SLC33A1: variants seen among roughly 807,000 people sequenced by gnomAD.
The protein encoded by SLC33A1 is solute carrier family 33 member 1.
Under a neutral mutation model 50.0 loss-of-function variants are expected in SLC33A1, and 20 were observed. That is an observed-to-expected ratio of 0.40 (90% CI 0.28 to 0.58). The LOEUF is 0.58. Among genes scored for constraint, SLC33A1 ranks in the 20% least tolerant of loss-of-function variants. The pLI is 0.44. For missense variants in SLC33A1, 476 were observed against 657.0 expected, an observed-to-expected ratio of 0.72 and a Z score of 3.01; for synonymous variants, 265 against 251.8, an observed-to-expected ratio of 1.05 and a Z score of -0.50.
chr3:155,828,894 A>G (rs1294337370), intron 5 of SLC33A1, among the ~76,000 whole-genome samples: 2 of 122,300 alleles, frequency 1.6e-5, no homozygotes, highest in African/African-American at 4.4e-5. Flanking sequence ...CCAGCCGAAT[A>G]TGTTTTTTTT....
At chr3:155,828,578 CT>C (rs1176092508) in intron 5 of SLC33A1, among the ~76,000 whole-genome samples, 2 of 152,060 alleles carry the variant, frequency 1.3e-5, no homozygotes, top group Non-Finnish European at 2.9e-5. Flanking sequence ...ATTTTCAGTT[CT>C]TGCTGTAAAC....
In SLC33A1 at chr3:155,829,732, C is replaced by T. The variant is rs747418232; in HGVS notation, c.1438G>A (p.Val480Ile). ...CGACAATTCTGGTTTGATGCTCCTA[C>T]ACACTCTTTTACTGTGAGGGGATCT... ...LVDPLTVKEC[V>I]GASNQNCRTP... is the part of the protein sequence containing the mutation. The change falls in exon 5 of 6, where the codon GTA becomes ATA. Residue 480 changes from valine (V) to isoleucine (I), a missense_variant. Transcript: ENST00000643144. 1 of 1,614,116 alleles carries T rather than the reference C, an allele frequency of 6.2e-7. No homozygotes were observed.
intron 1 of SLC33A1, among the ~76,000 whole-genome samples, chr3:155,848,720 C>A (rs1753279766): frequency 6.6e-6 from 1 of 152,036 alleles, no homozygotes; most frequent in Non-Finnish European, 1.5e-5. Flanking sequence ...ATCTTGGGAT[C>A]CTATTGTCAC....
chr3:155,844,959 T>C (rs1753113392), intron 1 of SLC33A1: 3 of 152,198 alleles, frequency 2.0e-5, no homozygotes, highest in Admixed American at 1.3e-4. Flanking sequence ...TTTTGCATTC[T>C]TAATTCCATC....
chr3:155,833,958 T>C lies in SLC33A1; in HGVS notation c.1047A>G (p.Ala349=). The C allele has an allele frequency of 1.2e-6, 2 of 1,613,760 alleles. No homozygotes were observed. Among genetic ancestry groups the C allele is most frequent in the Non-Finnish European group, 8.5e-7 (1 of 1,179,656 alleles). ...GVPKEHLALL[A]VPMVPLQIIL... ...TTATCTGCAAAGGAACCATTGGAAC[T>C]GCCAATAAGGCTAAATGTTCTTTGG... Residue 349 remains alanine, a synonymous_variant, in exon 3 of 6, where the codon GCA becomes GCG. Transcript: ENST00000643144.
intron 2 of SLC33A1, among the ~76,000 whole-genome samples, chr3:155,836,217 GA>G (rs1372888182): frequency 7.2e-6 from 1 of 138,288 alleles, no homozygotes; most frequent in African/African-American, 2.7e-5. Flanking sequence ...CTGGGAGGTG[GA>G]AGTTGCAGTG....
In SLC33A1 at chr3:155,842,441, T is replaced by G; in HGVS notation, c.954A>C (p.Leu318=). Residue 318 remains leucine, a synonymous_variant, in exon 2 of 6, where the codon CTA becomes CTC. Transcript: ENST00000643144. The part of the protein sequence containing the change: ...PAVLTFCLLI[L]TAKIGFSAAD... Reference sequence around the variant, plus strand: ...TTTATAAATCTCTTACCTTTGCAGTTAGAATCAGAAGGCAAAATGTCAGAA... The same window carrying G: ...TTTATAAATCTCTTACCTTTGCAGTGAGAATCAGAAGGCAAAATGTCAGAA... 6.2e-7 allele frequency: 1 copy of G among 1,606,236 alleles called. No individual in the cohort carries two copies. The highest frequency in any genetic ancestry group is 8.5e-7 in the Non-Finnish European group (1 of 1,173,702).
chr3:155,828,659 G>A (rs569258715), intron 5 of SLC33A1, among the ~76,000 whole-genome samples: 1 of 152,162 alleles, frequency 6.6e-6, no homozygotes, highest in South Asian at 2.1e-4. Flanking sequence ...GTGTGATAAT[G>A]GCTCACTGCG....
chr3:155,839,945 A>G (rs1752859366), intron 2 of SLC33A1, among the ~76,000 whole-genome samples: 1 of 152,060 alleles, frequency 6.6e-6, no homozygotes, highest in African/African-American at 2.4e-5. Context: ...ACTCAGTCTC[A>G]AAATAAAATA....
In SLC33A1 at chr3:155,854,025, T is replaced by C. The variant is rs1553779225; in HGVS notation, c.-28A>G. ...CAGAGACGATGCAGAGCCCCGTCTG[T>C]GGGGGGCCGAGGCTGAGCGTTTTGG... On this transcript the variant is annotated 5_prime_UTR_variant, in exon 1 of 6. Coordinates refer to ENST00000643144, the MANE Select transcript of SLC33A1 (RefSeq NM_004733.4). 4.6e-6 allele frequency: 7 copies of C among 1,524,158 alleles called. No homozygotes were observed. The highest frequency in any genetic ancestry group is 6.1e-6 in the Non-Finnish European group (7 of 1,140,010). 94.4% of individuals were successfully genotyped at this position (1,524,158 alleles called of 1,614,324 possible). A position where few individuals can be genotyped will look rare whatever the true frequency, so the allele number is the denominator to read the frequency against.
intron 4 of SLC33A1, among the ~76,000 whole-genome samples, chr3:155,832,697 G>A (rs1386807207): frequency 7.8e-6 from 1 of 127,566 alleles, no homozygotes; most frequent in Non-Finnish European, 1.6e-5. Context: ...GGCGTGGGCA[G>A]TGGGCAAGCA....
intron 1 of SLC33A1, among the ~76,000 whole-genome samples, chr3:155,850,131 C>G (rs942011366): frequency 6.6e-6 from 1 of 151,618 alleles, no homozygotes; most frequent in African/African-American, 2.4e-5. Context: ...GCCTCAGCCT[C>G]CTGAGTAGCT....
chr3:155,848,535 A>T (rs1319693764), intron 1 of SLC33A1, among the ~76,000 whole-genome samples: 2 of 152,088 alleles, frequency 1.3e-5, no homozygotes, highest in East Asian at 3.9e-4. Flanking sequence ...ACAAAAAATT[A>T]GCAGGGCATG....
rs1752215689 is a variant in SLC33A1 at position 155,826,883 on chromosome 3, A to C, written c.*1327T>G. On this transcript the variant is annotated 3_prime_UTR_variant, in exon 6 of 6. Coordinates refer to ENST00000643144, the MANE Select transcript of SLC33A1 (RefSeq NM_004733.4). The stretch of plus-strand genomic sequence containing the variant: ...ATTTTTCCACAATGATAAAATTAAG[A>C]CTCATAATGTACTATCTTGTTTCGT... The C allele has an allele frequency of 6.6e-6, 1 of 152,170 alleles. No homozygotes were observed. The highest frequency in any genetic ancestry group is 2.1e-4 in the South Asian group (1 of 4,828). 9.4% of individuals were successfully genotyped at this position (152,170 alleles called of 1,614,324 possible). A position where few individuals can be genotyped will look rare whatever the true frequency, so the allele number is the denominator to read the frequency against.
Position 155,852,420 on chromosome 3 carries a change from C to T in SLC33A1, c.775+803G>A, listed in dbSNP as rs139385224. ...TACCCTCCATTACTTACAGGACAAA[C>T]TTTAAACTCTTTTCCCATAGTAATT... On this transcript the variant is annotated intron_variant, in intron 1 of 5. Transcript: ENST00000643144. 2.6e-3 allele frequency among the ~76,000 whole-genome samples: 398 copies of T among 152,326 alleles called. 3 individuals are homozygous for T. The highest frequency in any genetic ancestry group is 9.2e-3 in the African/African-American group (381 of 41,576).
At position 155,854,097 on chromosome 3, in the gene SLC33A1, C is replaced by A; in HGVS notation, c.-100G>T. The A allele has an allele frequency of 2.2e-6, 2 of 920,742 alleles. No individual in the cohort carries two copies. The highest frequency in any genetic ancestry group is 3.2e-6 in the Non-Finnish European group (2 of 626,340). The allele number at this position is 920,742 out of a possible 1,614,324, so 57.0% of individuals were successfully genotyped here. A position where few individuals can be genotyped will look rare whatever the true frequency, so the allele number is the denominator to read the frequency against. The stretch of plus-strand genomic sequence containing the variant: ...AGGCTGTCGCGCTGGACCAGGGTTT[C>A]GGTGGTTCACGGGATGGTGGCAGGG... On this transcript the variant is annotated 5_prime_UTR_variant, in exon 1 of 6. Coordinates refer to ENST00000643144, the MANE Select transcript of SLC33A1 (RefSeq NM_004733.4).
chr3:155,853,866 G>A lies in SLC33A1; in HGVS notation c.132C>T (p.Gly44=), dbSNP rs144120239. The change falls in exon 1 of 6, where the codon GGC becomes GGT. Residue 44 remains glycine (G), a synonymous_variant. Coordinates refer to ENST00000643144, the MANE Select transcript of SLC33A1 (RefSeq NM_004733.4). ...GAAGAGCTTCTCTGTCCCCTTCCCG[G>A]CCCGCTGAGTCCAAATGACTGTCAT... ...GWDDSHLDSA[G]REGDREALLG... 25 of 1,579,494 alleles carry A rather than the reference G, an allele frequency of 1.6e-5. No individual in the cohort carries two copies. In the African/African-American group the frequency reaches 3.1e-4, roughly 20 times the overall value.
At chr3:155,833,712 T>C in intron 3 of SLC33A1, 127 bp from the exon 4 acceptor site, 2 of 934,034 alleles carry the variant, frequency 2.1e-6, no homozygotes, top group Non-Finnish European at 3.5e-6. Context: ...GTTAAAAAGA[T>C]AAAAGTGCAT....
At chr3:155,831,457 C>CAA (rs397991448) in intron 4 of SLC33A1, among the ~76,000 whole-genome samples, 2,644 of 46,694 alleles carry the variant, frequency 0.057, 471 homozygotes, top group South Asian at 0.18. Context: ...GACTCTGTCT[C>CAA]AAAAAAAAAA....
Sources: allele counts gnomAD v4.1 joint callset (sites outside exome capture counted in the v4.1 genomes callset), GRCh38; gene constraint gnomAD v4.1.1; transcripts MANE v1.5; gene names NCBI Gene and HGNC (gene_info 2026-07-23, HGNC 2026-07-21).